Variants in MAPK10 observed in about 807,000 individuals in gnomAD.
The protein encoded by MAPK10 is mitogen-activated protein kinase 10, also known as JNK3 alpha protein kinase.
In MAPK10, 25 loss-of-function variants were observed where a neutral mutation model predicts 59.3. The ratio of observed to expected loss-of-function variants is 0.42; its 90% confidence interval spans 0.31 to 0.59. The LOEUF is 0.59. Ranked by LOEUF, MAPK10 falls within the 20% of genes least tolerant of loss-of-function variation. MAPK10 has a pLI of 0.15. For missense variants in MAPK10, 351 were observed against 568.9 expected, an observed-to-expected ratio of 0.62 and a Z score of 3.90; for synonymous variants, 190 against 200.5, an observed-to-expected ratio of 0.95 and a Z score of 0.44.
At chr4:86,135,587 A>G (rs1409914241) in intron 4 of MAPK10, among the ~76,000 whole-genome samples, 2 of 152,202 alleles carry the variant, frequency 1.3e-5, no homozygotes, top group African/African-American at 2.4e-5. Flanking sequence ...AAGATGGGGA[A>G]AAAACAGAAC....
intron 1 of MAPK10, among the ~76,000 whole-genome samples, chr4:86,407,368 C>T (rs1022502150): frequency 6.6e-6 from 1 of 151,960 alleles, no homozygotes; most frequent in Admixed American, 6.6e-5. Flanking sequence ...GGTTCAGTCT[C>T]GAATGGAAAG....
intron 1 of MAPK10, among the ~76,000 whole-genome samples, chr4:86,501,701 C>CA (rs138368886): frequency 0.048 from 7,305 of 151,996 alleles, 230 homozygotes; most frequent in African/African-American, 0.061. Flanking sequence ...CACACACACA[C>CA]ACTACTGTGC....
chr4:86,017,360 C>T lies in MAPK10; in HGVS notation c.1263G>A (p.Val421=), dbSNP rs1429122137. 6.2e-7 allele frequency: 1 copy of T among 1,614,064 alleles called. No homozygotes were observed. The highest frequency in any genetic ancestry group is 8.5e-7 in the Non-Finnish European group (1 of 1,179,970). Reference sequence around the variant, plus strand: ...ATGGAGGGAGACTCTCACTGCTGTTCACTGCTGCACCTGTGCTAAGAAAAT... The same window carrying T: ...ATGGAGGGAGACTCTCACTGCTGTTTACTGCTGCACCTGTGCTAAGAAAAT... ...KGQPSPSGAA[V]NSSESLPPSS... The change falls in exon 14 of 14, where the codon GTG becomes GTA. Residue 421 remains valine, a synonymous_variant. Coordinates refer to ENST00000641462, the MANE Select transcript of MAPK10 (RefSeq NM_138982.4). The surrounding 1 kb of genome is among the most constrained non-coding windows in gnomAD (Gnocchi z 4.4).
intron 2 of MAPK10, among the ~76,000 whole-genome samples, chr4:86,347,156 C>T (rs1728733060): frequency 6.6e-6 from 1 of 152,108 alleles, no homozygotes; most frequent in Non-Finnish European, 1.5e-5. Flanking sequence ...ATGGTATCTA[C>T]AATGCAAATA....
chr4:86,411,599 T>C (rs1745179463), intron 1 of MAPK10, among the ~76,000 whole-genome samples: 1 of 152,226 alleles, frequency 6.6e-6, no homozygotes, highest in Non-Finnish European at 1.5e-5. Context: ...TTGGTGCATA[T>C]ATATTTAGGA....
At chr4:86,153,451 C>T (rs911995736) in intron 4 of MAPK10, among the ~76,000 whole-genome samples, 12 of 152,200 alleles carry the variant, frequency 7.9e-5, no homozygotes, top group South Asian at 2.1e-4. Flanking sequence ...TAAATGTCCA[C>T]AAAACATTCC....
At chr4:86,498,503 A>G (rs895576047) in intron 1 of MAPK10, among the ~76,000 whole-genome samples, 1 of 152,216 alleles carries the variant, frequency 6.6e-6, no homozygotes, top group African/African-American at 2.4e-5. Flanking sequence ...TGTGGCTTTT[A>G]GATAAGAAGA....
At chr4:86,293,632 C>T (rs944648815) in intron 2 of MAPK10, among the ~76,000 whole-genome samples, 2 of 152,078 alleles carry the variant, frequency 1.3e-5, no homozygotes, top group African/African-American at 4.8e-5. Flanking sequence ...CATGGTTCTG[C>T]AGCTTGTACA....
At chr4:86,056,970 T>A (rs1041077454) in intron 11 of MAPK10, among the ~76,000 whole-genome samples, 4 of 148,680 alleles carry the variant, frequency 2.7e-5, no homozygotes, top group African/African-American at 5.1e-5. Flanking sequence ...TATTTTATTT[T>A]ATTTATTTTT....
intron 1 of MAPK10, among the ~76,000 whole-genome samples, chr4:86,369,186 C>T (rs969890923): frequency 2.0e-5 from 3 of 152,156 alleles, no homozygotes; most frequent in African/African-American, 4.8e-5. Flanking sequence ...CACCTCTGAC[C>T]GTAATTTGTC....
chr4:86,214,849 A>G (rs1186333718), intron 2 of MAPK10, among the ~76,000 whole-genome samples: 2 of 152,180 alleles, frequency 1.3e-5, no homozygotes, highest in African/African-American at 2.4e-5. Context: ...AGCCAAAGCT[A>G]TATGCAAACT....
chr4:86,446,954 C>G (rs906145513), intron 1 of MAPK10, among the ~76,000 whole-genome samples: 5 of 151,872 alleles, frequency 3.3e-5, no homozygotes, highest in African/African-American at 1.2e-4. Flanking sequence ...TTTGTTGGTT[C>G]TGTGTGTTAC....
At chr4:86,141,035 C>G (rs1229628294) in intron 4 of MAPK10, among the ~76,000 whole-genome samples, 1 of 152,072 alleles carries the variant, frequency 6.6e-6, no homozygotes, top group African/African-American at 2.4e-5. Flanking sequence ...GAACCAATAC[C>G]CAATACCCTC....
At chr4:86,588,043 AG>A (rs752194059) in intron 1 of MAPK10, among the ~76,000 whole-genome samples, 3 of 152,230 alleles carry the variant, frequency 2.0e-5, no homozygotes, top group Non-Finnish European at 4.4e-5. Flanking sequence ...GGAGAAAAAA[AG>A]TATGGACATT....
chr4:86,226,444 A>G (rs17011519), intron 2 of MAPK10, among the ~76,000 whole-genome samples: 12,943 of 152,292 alleles, frequency 0.085, 1,221 homozygotes, highest in African/African-American at 0.23. Context: ...GTGGCAGGTT[A>G]AAAGATCACT....
intron 2 of MAPK10, among the ~76,000 whole-genome samples, chr4:86,323,966 A>G (rs1224839171): frequency 6.6e-6 from 1 of 152,238 alleles, no homozygotes; most frequent in Non-Finnish European, 1.5e-5. Context: ...AACCAAATCT[A>G]AATAGTATAA....
At chr4:86,364,097 ATTGTTGTTG>A (rs66851270), upstream of MAPK10, among the ~76,000 whole-genome samples, 4 of 149,682 alleles carry the variant, frequency 2.7e-5, no homozygotes, top group Admixed American at 6.7e-5. Context: ...GAAACTCTTT[ATTGTTGTTG>A]TTGTTGTTGT....
chr4:86,071,548 C>A (rs1371880018), intron 9 of MAPK10, among the ~76,000 whole-genome samples: 1 of 148,064 alleles, frequency 6.8e-6, no homozygotes, highest in African/African-American at 2.5e-5. Flanking sequence ...AGTCTTTAAT[C>A]CATCTTGAAT....
chr4:86,414,382 T>G (rs1465693297), intron 1 of MAPK10, among the ~76,000 whole-genome samples: 1 of 152,190 alleles, frequency 6.6e-6, no homozygotes, highest in Non-Finnish European at 1.5e-5. Flanking sequence ...GGGGCACGTG[T>G]GATCTAGTCT....
Sources: gnomAD v4.1 joint callset for allele counts (sites outside exome capture counted in the v4.1 genomes callset) on GRCh38, gnomAD v4.1.1 for gene constraint, Gnocchi (gnomAD v3.1) non-coding constraint, MANE v1.5 for transcripts, NCBI Gene and HGNC (gene_info 2026-07-23, HGNC 2026-07-21) for gene names.